The following HLCS variants were observed in gnomAD, a reference collection of about 807,000 sequenced individuals.
HLCS encodes holocarboxylase synthetase, also known as biotin--protein ligase.
HLCS carries 53 observed loss-of-function variants against 75.0 expected under a neutral mutation model. That is an observed-to-expected ratio of 0.71 (90% confidence interval 0.57 to 0.89). The LOEUF (loss-of-function observed/expected upper bound fraction) is 0.89, where lower values mean the gene tolerates loss of function less well. Ranked by LOEUF, HLCS falls within the 40% of genes least tolerant of loss-of-function variation. HLCS has a pLI of 0.00. For missense variants in HLCS, 966 were observed against 1,074.0 expected (o/e 0.90, Z 1.41); for synonymous variants, 431 against 428.6 (o/e 1.01, Z -0.07).
intron 6 of HLCS, among the ~76,000 whole-genome samples, chr21:36,861,429 C>T (rs2063378138): frequency 6.6e-6 from 1 of 152,158 alleles, no homozygotes; most frequent in Non-Finnish European, 1.5e-5. Context: ...GGTACATGTG[C>T]AGGTTTGTTT....
intron 8 of HLCS, among the ~76,000 whole-genome samples, chr21:36,761,018 G>T (rs1444459032): frequency 6.6e-6 from 1 of 152,246 alleles, no homozygotes; most frequent in Non-Finnish European, 1.5e-5. Context: ...AAAGCTAAGG[G>T]AGCAGAGAGT....
At chr21:36,886,082 A>G (rs1343412101) in intron 6 of HLCS, among the ~76,000 whole-genome samples, 1 of 151,724 alleles carries the variant, frequency 6.6e-6, no homozygotes, top group Non-Finnish European at 1.5e-5. Context: ...TTTTTTCCTA[A>G]AAGTCTCATA....
At chr21:36,905,128 C>A (rs965106138) in intron 5 of HLCS, among the ~76,000 whole-genome samples, 4 of 152,198 alleles carry the variant, frequency 2.6e-5, no homozygotes, top group Non-Finnish European at 5.9e-5. Flanking sequence ...TTATTCAATG[C>A]CACACTGTCT....
intron 9 of HLCS, among the ~76,000 whole-genome samples, chr21:36,759,429 A>C (rs1315623491): frequency 6.6e-6 from 1 of 152,240 alleles, no homozygotes; most frequent in Non-Finnish European, 1.5e-5. Context: ...TAGAACGTTA[A>C]ATGTTTATTT....
chr21:36,808,573 C>G (rs909017565), intron 6 of HLCS, among the ~76,000 whole-genome samples: 4 of 152,208 alleles, frequency 2.6e-5, no homozygotes, highest in African/African-American at 4.8e-5. Context: ...TACCCCTGGT[C>G]TTTACCTTAC....
chr21:36,969,036 G>A (rs1020570368), upstream of HLCS, among the ~76,000 whole-genome samples: 7 of 152,128 alleles, frequency 4.6e-5, no homozygotes, highest in Admixed American at 3.3e-4. Flanking sequence ...TAAAAGCATG[G>A]GGACCACCAT....
chr21:36,873,711 G>A (rs553627453), intron 6 of HLCS, among the ~76,000 whole-genome samples: 2 of 152,138 alleles, frequency 1.3e-5, no homozygotes, highest in African/African-American at 4.8e-5. Flanking sequence ...TGACCTTTTA[G>A]GTTCAGGCCT....
chr21:36,770,141 CTTTTTTTTTT>C (rs902358188), intron 6 of HLCS, among the ~76,000 whole-genome samples: 3 of 103,632 alleles, frequency 2.9e-5, no homozygotes, highest in Non-Finnish European at 5.6e-5. Context: ...ACTATAGATG[CTTTTTTTTTT>C]TTTTTTTTTT....
At chr21:36,839,151 C>T (rs1039666806) in intron 6 of HLCS, among the ~76,000 whole-genome samples, 1 of 152,224 alleles carries the variant, frequency 6.6e-6, no homozygotes, top group South Asian at 2.1e-4. Flanking sequence ...TAAACACAGG[C>T]ACTGCTTCAC....
chr21:36,855,220 A>G (rs1194511466), intron 6 of HLCS, among the ~76,000 whole-genome samples: 1 of 152,104 alleles, frequency 6.6e-6, no homozygotes, highest in Non-Finnish European at 1.5e-5. Flanking sequence ...GATCGTTTAT[A>G]TAATGTATAA....
rs1330956506 is a variant in HLCS, at chr21:36,930,335, T to G, written c.1536A>C (p.Arg512Ser). 2 of 1,613,980 alleles carry G rather than the reference T, an allele frequency of 1.2e-6. No homozygotes were observed. The highest frequency in any genetic ancestry group is 2.7e-5 in the African/African-American group (2 of 74,904). ...TGAGGCCAAGGGTTGTCAGAATCTC[T>G]CTAAGGACTTCGTATCTTCTAAAAT... ...SSNFRRYEVL[R>S]EILTTLGLSC... The change falls in exon 5 of 11, where the codon AGA (arginine) becomes AGC (serine). Residue 512 changes from arginine (R) to serine (S), a missense_variant. Physicochemically the swap from Arg to Ser is moderately radical, Grantham distance 110. Transcript: ENST00000674895.
chr21:36,980,215 A>G (rs2069079249), intron 1 of HLCS, among the ~76,000 whole-genome samples: 1 of 151,052 alleles, frequency 6.6e-6, no homozygotes. Flanking sequence ...AAAAAATAGG[A>G]AGAAACAACT....
At chr21:36,773,816 T>C (rs1029651754) in intron 6 of HLCS, among the ~76,000 whole-genome samples, 4 of 152,222 alleles carry the variant, frequency 2.6e-5, no homozygotes, top group Admixed American at 1.3e-4. Context: ...TTCATAACCC[T>C]GCTGCCCTCT....
rs1474182341 is a variant in HLCS at position 36,749,127 on chromosome 21, G to A, written c.*5119C>T. On this transcript the variant is annotated 3_prime_UTR_variant, in exon 11 of 11. Transcript: ENST00000674895. ...TAAGAACATGTTACGTGTGCAACAG[G>A]TAAACAGAAATCCTTTCATAAAGCA... is the stretch of plus-strand genomic sequence containing the variant. 1.3e-5 allele frequency: 2 copies of A among 152,644 alleles called. No homozygotes were observed. The highest frequency in any genetic ancestry group is 4.8e-5 in the African/African-American group (2 of 41,456). The allele number at this position is 152,644 out of a possible 1,614,324, so 9.5% of individuals were successfully genotyped here.
chr21:36,905,440 C>T (rs144516680), intron 5 of HLCS, among the ~76,000 whole-genome samples: 35 of 152,240 alleles, frequency 2.3e-4, no homozygotes, highest in African/African-American at 7.2e-4. Flanking sequence ...TATCAGATTC[C>T]ACTTCAAGGG....
chr21:36,918,468 G>C (rs1038177262), intron 5 of HLCS, among the ~76,000 whole-genome samples: 2 of 152,212 alleles, frequency 1.3e-5, no homozygotes, highest in Non-Finnish European at 2.9e-5. Flanking sequence ...AGCTGTCAGA[G>C]AACAATCTGG....
intron 6 of HLCS, among the ~76,000 whole-genome samples, chr21:36,795,347 C>T (rs1009768373): frequency 1.2e-4 from 18 of 152,270 alleles, no homozygotes; most frequent in African/African-American, 3.1e-4. Context: ...AGGAGGGATC[C>T]GGAAACACTG....
At chr21:36,873,521 G>T (rs1218543308) in intron 6 of HLCS, among the ~76,000 whole-genome samples, 1 of 152,188 alleles carries the variant, frequency 6.6e-6, no homozygotes, top group Non-Finnish European at 1.5e-5. Context: ...CTTTGTATAT[G>T]TCAGATACGA....
intron 2 of HLCS, among the ~76,000 whole-genome samples, chr21:36,954,630 AG>A (rs1263204824): frequency 6.6e-6 from 1 of 152,190 alleles, no homozygotes; most frequent in Non-Finnish European, 1.5e-5. Flanking sequence ...AAGAAAAAAA[AG>A]TATAGCACAG....
Sources: gnomAD v4.1 joint callset for allele counts (sites outside exome capture counted in the v4.1 genomes callset) on GRCh38, gnomAD v4.1.1 for gene constraint, MANE v1.5 for transcripts, NCBI Gene and HGNC (gene_info 2026-07-23, HGNC 2026-07-21) for gene names.